Variants in ZC3H14 observed in about 807,000 individuals in gnomAD.
ZC3H14 encodes the protein zinc finger CCCH domain-containing protein 14.
ZC3H14 carries 31 observed loss-of-function variants against 92.4 expected under a neutral mutation model. That is an observed-to-expected ratio of 0.34 (90% CI 0.25 to 0.45). The LOEUF (loss-of-function observed/expected upper bound fraction) is 0.45. Among genes scored for constraint, ZC3H14 ranks in the 20% least tolerant of loss-of-function variants. The probability of loss-of-function intolerance (pLI) is 1.00; values close to 1 mark genes in which losing one functional copy is unlikely to be tolerated. For missense variants in ZC3H14, 781 were observed against 897.3 expected, an observed-to-expected ratio of 0.87 and a Z score of 1.66; for synonymous variants, 321 against 300.9, an observed-to-expected ratio of 1.07 and a Z score of -0.69.
intron 9 of ZC3H14, among the ~76,000 whole-genome samples, chr14:88,586,984 T>G (rs747290498): frequency 5.3e-5 from 8 of 152,246 alleles, no homozygotes; most frequent in Non-Finnish European, 1.0e-4. Flanking sequence ...CCTGTTGATT[T>G]CTTGCTGTAT....
intron 6 of ZC3H14, among the ~76,000 whole-genome samples, chr14:88,573,533 A>G (rs1427542182): frequency 6.6e-6 from 1 of 152,080 alleles, no homozygotes; most frequent in Non-Finnish European, 1.5e-5. Flanking sequence ...TCCTGGGTTC[A>G]AGCGATTCTC....
chr14:88,589,152 T>C (rs1283797356), intron 9 of ZC3H14: 3 of 152,210 alleles, frequency 2.0e-5, no homozygotes, highest in Non-Finnish European at 4.4e-5. Context: ...GTGCAGAGGC[T>C]TACCTAGAAT....
In ZC3H14 at chr14:88,572,706, A is replaced by C. The variant is rs745469508; in HGVS notation, c.560A>C (p.Asn187Thr). 2 of 1,614,204 alleles carry C rather than the reference A, an allele frequency of 1.2e-6. No individual in the cohort carries two copies. The highest frequency in any genetic ancestry group is 4.5e-5 in the East Asian group (2 of 44,874). The change falls in exon 6 of 17, where the codon AAC (asparagine) becomes ACC (threonine). Residue 187 changes from asparagine (N) to threonine (T), a missense_variant. Physicochemically the swap from Asn to Thr is moderately conservative, Grantham distance 65 (BLOSUM62 0). Around this residue, in one of 3 missense-constraint regions of ZC3H14, gnomAD observed 454 missense variants for 438.5 expected, o/e 1.04. Coordinates refer to ENST00000251038, the MANE Select transcript of ZC3H14 (RefSeq NM_024824.5). ...EPDDLIDEDL[N>T]FVQENPLSQK... is the part of the protein sequence containing the mutation. ...GATGATCTCATTGACGAAGACCTCA[A>C]CTTTGTGCAGGAGAATCCCTTATCT... is the stretch of plus-strand genomic sequence containing the variant.
chr14:88,574,869 C>T lies in ZC3H14; in HGVS notation c.1022+16C>T, dbSNP rs779154053. On this transcript the variant is annotated intron_variant, in intron 7 of 16. Coordinates refer to ENST00000251038, the MANE Select transcript of ZC3H14 (RefSeq NM_024824.5). ...CTGAAAGGAGGTACCTTGAACATGG[C>T]TGTAAATTAATCTTTAACTGCCTTG... 31 of 1,614,102 alleles carry T rather than the reference C, an allele frequency of 1.9e-5. No homozygotes were observed. The highest frequency in any genetic ancestry group is 2.5e-5 in the Non-Finnish European group (29 of 1,179,986).
intron 4 of ZC3H14, among the ~76,000 whole-genome samples, chr14:88,571,440 T>G (rs1371519811): frequency 6.6e-6 from 1 of 152,164 alleles, no homozygotes; most frequent in Non-Finnish European, 1.5e-5. Context: ...ATAAACGAAA[T>G]TGTTGTATTA....
Position 88,615,715 on chromosome 14 carries a change from C to T in ZC3H14, c.*3964C>T. The T allele has an allele frequency of 9.6e-7, 1 of 1,036,518 alleles. No homozygotes were observed. The highest frequency in any genetic ancestry group is 1.5e-5 in the South Asian group (1 of 65,718). 64.2% of individuals were successfully genotyped at this position (1,036,518 alleles called of 1,614,324 possible). On this transcript the variant is annotated 3_prime_UTR_variant, in exon 17 of 17. Transcript: ENST00000251038. ...TGATTCTGGGCATTTCTCCCTGTTACAGTCTTGGGTTAGCACCACTTGACC... is the reference window on the plus strand; with the variant it reads ...TGATTCTGGGCATTTCTCCCTGTTATAGTCTTGGGTTAGCACCACTTGACC...
chr14:88,616,794 T>C lies in ZC3H14; in HGVS notation c.*5043T>C, dbSNP rs948410074. On this transcript the variant is annotated 3_prime_UTR_variant, in exon 17 of 17. Coordinates refer to ENST00000251038, the MANE Select transcript of ZC3H14 (RefSeq NM_024824.5). The stretch of plus-strand genomic sequence containing the variant: ...AAGTCATCTCCTGTAACAAGACTGA[T>C]TCCTGAATGAGATACACAGGCACAG... 1.9e-6 allele frequency: 3 copies of C among 1,613,848 alleles called. No homozygotes were observed. The highest frequency in any genetic ancestry group is 2.5e-6 in the Non-Finnish European group (3 of 1,179,868).
At chr14:88,594,728 TG>T (rs2083571313) in intron 9 of ZC3H14, 1 of 1,613,924 alleles carries the variant, frequency 6.2e-7, no homozygotes, top group African/African-American at 1.3e-5. Flanking sequence ...GTCACCTTTA[TG>T]AGAATGTCTT....
rs376136784 is a variant in ZC3H14 at position 88,611,754 on chromosome 14, C to T, written c.*3C>T. 9 of 1,613,862 alleles carry T rather than the reference C, an allele frequency of 5.6e-6. No homozygotes were observed. The African/African-American group carries it at 1.2e-4, about 22-fold the overall frequency. ...GGTTCTGTTCATTCAGCGAATAGCA[C>T]CCAGTCCTGCCTGGCAGAAGATCAT... On this transcript the variant is annotated 3_prime_UTR_variant, in exon 17 of 17. Transcript: ENST00000251038.
chr14:88,587,480 T>C (rs1241919902), intron 9 of ZC3H14, among the ~76,000 whole-genome samples: 1 of 152,146 alleles, frequency 6.6e-6, no homozygotes, highest in Non-Finnish European at 1.5e-5. Flanking sequence ...TTTCAAGTCT[T>C]ATATTTTCTT....
At chr14:88,568,405 G>A (rs891215256) in intron 3 of ZC3H14, among the ~76,000 whole-genome samples, 3 of 152,224 alleles carry the variant, frequency 2.0e-5, no homozygotes, top group African/African-American at 7.2e-5. Flanking sequence ...CCCCAGGAAG[G>A]GGAAGCAAGC....
At chr14:88,576,713 G>A (rs1303194050) in intron 8 of ZC3H14, among the ~76,000 whole-genome samples, 1 of 152,144 alleles carries the variant, frequency 6.6e-6, no homozygotes, top group Non-Finnish European at 1.5e-5. Flanking sequence ...TTACAGCATT[G>A]CCCTGCTTAT....
chr14:88,571,702 C>G (rs1320926551), intron 4 of ZC3H14, among the ~76,000 whole-genome samples: 1 of 152,210 alleles, frequency 6.6e-6, no homozygotes, highest in Non-Finnish European at 1.5e-5. Context: ...TGGCTCACGC[C>G]TGTAATCCCA....
chr14:88,609,906 C>T (rs2140149856), intron 15 of ZC3H14, 103 bp downstream of exon 15: 4 of 1,237,452 alleles, frequency 3.2e-6, no homozygotes, highest in East Asian at 2.5e-5. Flanking sequence ...AAAGTAATTG[C>T]GATTTTTGCC....
chr14:88,592,871 A>G (rs1416915006), intron 9 of ZC3H14, among the ~76,000 whole-genome samples: 1 of 151,834 alleles, frequency 6.6e-6, no homozygotes, highest in Non-Finnish European at 1.5e-5. Flanking sequence ...TGCATATCTT[A>G]TTTGTTTGCT....
chr14:88,565,277 G>C (rs1459790295), intron 2 of ZC3H14, among the ~76,000 whole-genome samples: 1 of 152,014 alleles, frequency 6.6e-6, no homozygotes, highest in Admixed American at 6.6e-5. Context: ...GAGTAGCTGG[G>C]ATTACAGGCA....
intron 9 of ZC3H14, among the ~76,000 whole-genome samples, chr14:88,585,148 T>G (rs923656395): frequency 3.3e-5 from 5 of 152,166 alleles, no homozygotes; most frequent in African/African-American, 1.2e-4. Flanking sequence ...TGGATTTTGT[T>G]TTTTAATCTC....
chr14:88,593,313 T>C (rs1028201155), intron 9 of ZC3H14, among the ~76,000 whole-genome samples: 5 of 152,188 alleles, frequency 3.3e-5, no homozygotes, highest in African/African-American at 7.2e-5. Flanking sequence ...CAAGTTGATC[T>C]ATGGATTCAA....
At chr14:88,575,750 A>G (rs2081079737) in intron 7 of ZC3H14, 90 bp from the exon 8 acceptor site, 2 of 1,062,416 alleles carry the variant, frequency 1.9e-6, no homozygotes, top group Non-Finnish European at 2.8e-6. Flanking sequence ...TAAAACCTAG[A>G]GAAGGTTGTG....
Sources: allele counts gnomAD v4.1 joint callset (sites outside exome capture counted in the v4.1 genomes callset), GRCh38; gene constraint gnomAD v4.1.1; regional missense constraint gnomAD v4.1.1; transcripts MANE v1.5; gene names NCBI Gene and HGNC (gene_info 2026-07-23, HGNC 2026-07-21).